LRIG3: variants seen among roughly 807,000 people sequenced by gnomAD.
LRIG3 encodes the protein leucine-rich repeats and immunoglobulin-like domains protein 3.
LRIG3 carries 76 observed loss-of-function variants against 114.5 expected under a neutral mutation model. That is an observed-to-expected ratio of 0.66 (90% CI 0.55 to 0.80). The LOEUF (loss-of-function observed/expected upper bound fraction) is 0.80, where lower values mean the gene tolerates loss of function less well. LRIG3 is among the 30% of genes least tolerant of loss of function. The probability of loss-of-function intolerance (pLI) is 0.00; values close to 1 mark genes in which losing one functional copy is unlikely to be tolerated. For synonymous variants in LRIG3, 512 were observed against 519.8 expected (o/e 0.98, Z 0.20); for missense variants, 1,239 against 1,382.8 (o/e 0.90, Z 1.65).
intron 3 of LRIG3, among the ~76,000 whole-genome samples, chr12:58,897,663 A>C (rs1871691535): frequency 6.6e-6 from 1 of 152,210 alleles, no homozygotes; most frequent in African/African-American, 2.4e-5. Flanking sequence ...CCCTTCTTTG[A>C]TCTCCAAGTA....
intron 3 of LRIG3, 26 bp downstream of exon 3, chr12:58,913,956 G>A: frequency 6.3e-7 from 1 of 1,592,126 alleles, no homozygotes; most frequent in Non-Finnish European, 8.6e-7. Flanking sequence ...AAACATACAT[G>A]AGGAATTCTG....
intron 16 of LRIG3, 30 bp downstream of exon 16, chr12:58,876,415 T>C: frequency 6.2e-7 from 1 of 1,608,268 alleles, no homozygotes; most frequent in Non-Finnish European, 8.5e-7. Context: ...TTCAAAACAA[T>C]TACAGCCCAC....
chr12:58,904,981 G>C (rs1218943654), intron 3 of LRIG3, among the ~76,000 whole-genome samples: 1 of 152,200 alleles, frequency 6.6e-6, no homozygotes, highest in Non-Finnish European at 1.5e-5. Context: ...GGAAACCTAA[G>C]AGTCTGATTT....
In LRIG3 at chr12:58,894,465, G is replaced by A. The variant is rs561641873; in HGVS notation, c.384-3669C>T. Reference sequence around the variant, plus strand: ...AAAACTTGCTTTGTATAATAAAGGGGGCTAAAAATGGGAGACAACTACCTT... The same window carrying A: ...AAAACTTGCTTTGTATAATAAAGGGAGCTAAAAATGGGAGACAACTACCTT... On this transcript the variant is annotated intron_variant, in intron 3 of 18. Coordinates refer to ENST00000320743, the MANE Select transcript of LRIG3 (RefSeq NM_153377.5). 2.6e-5 allele frequency among the ~76,000 whole-genome samples: 4 copies of A among 151,958 alleles called. No homozygotes were observed. In the South Asian group the frequency reaches 8.3e-4, roughly 32 times the overall value.
intron 16 of LRIG3, among the ~76,000 whole-genome samples, chr12:58,875,521 T>C (rs907167863): frequency 6.6e-6 from 1 of 152,232 alleles, no homozygotes; most frequent in Non-Finnish European, 1.5e-5. Context: ...TATTTTAGAA[T>C]AACATCGATG....
chr12:58,902,179 T>C (rs560182455), intron 3 of LRIG3, among the ~76,000 whole-genome samples: 11 of 152,308 alleles, frequency 7.2e-5, no homozygotes, highest in Non-Finnish European at 1.6e-4. Flanking sequence ...TCCATTCATC[T>C]TTGAAGAGTA....
chr12:58,878,993 C>G lies in LRIG3; in HGVS notation c.1914G>C (p.Lys638Asn). ...CAGCTGGGAAGTCTGTGCCCCCATC[C>G]TTCTGCCAGGCTATCTGGGGGGCTG... ...GHPAPQIAWQ[K>N]DGGTDFPAAR... Residue 638 changes from lysine to asparagine, a missense_variant, in exon 14 of 19, where the codon AAG (lysine) becomes AAC (asparagine). Lys to Asn is a moderately conservative substitution (Grantham distance 94). Coordinates refer to ENST00000320743, the MANE Select transcript of LRIG3 (RefSeq NM_153377.5). 6.2e-7 allele frequency: 1 copy of G among 1,614,212 alleles called. No homozygotes were observed. Among genetic ancestry groups the G allele is most frequent in the Non-Finnish European group, 8.5e-7 (1 of 1,180,042 alleles).
intron 12 of LRIG3, among the ~76,000 whole-genome samples, chr12:58,881,242 C>T (rs1871119129): frequency 6.6e-6 from 1 of 152,114 alleles, no homozygotes; most frequent in African/African-American, 2.4e-5. Flanking sequence ...CTTCCAGGCT[C>T]AGGGATCATT....
intron 3 of LRIG3, among the ~76,000 whole-genome samples, chr12:58,901,486 C>G (rs919155012): frequency 6.6e-6 from 1 of 152,116 alleles, no homozygotes. Context: ...TAAATTTACA[C>G]TGAAAATTCA....
chr12:58,892,012 T>C (rs1871471097), intron 3 of LRIG3, among the ~76,000 whole-genome samples: 3 of 151,956 alleles, frequency 2.0e-5, no homozygotes, highest in Admixed American at 1.3e-4. Context: ...CTGGTGACTG[T>C]TATACTGAAC....
chr12:58,915,101 T>C (rs758510139), intron 1 of LRIG3, among the ~76,000 whole-genome samples: 10 of 152,182 alleles, frequency 6.6e-5, no homozygotes, highest in Non-Finnish European at 1.3e-4. Context: ...CTCATACATA[T>C]ACAATACTCT....
intron 1 of LRIG3, among the ~76,000 whole-genome samples, chr12:58,914,827 A>G (rs1428410599): frequency 6.6e-6 from 1 of 152,258 alleles, no homozygotes; most frequent in African/African-American, 2.4e-5. Context: ...TTAAAGCACC[A>G]AATCATTTAA....
At chr12:58,886,136 C>T (rs1374251405) in intron 9 of LRIG3, among the ~76,000 whole-genome samples, 1 of 152,110 alleles carries the variant, frequency 6.6e-6, no homozygotes, top group East Asian at 1.9e-4. Flanking sequence ...AGTCACTCTG[C>T]TGATTAAGTT....
At chr12:58,880,987 A>G in intron 12 of LRIG3, 86 bp from the exon 13 acceptor site, 1 of 1,297,002 alleles carries the variant, frequency 7.7e-7, no homozygotes, top group Non-Finnish European at 1.1e-6. Flanking sequence ...AAGAAATGCA[A>G]AAACAGTGGC....
At chr12:58,890,984 C>G (rs1271959340) in intron 3 of LRIG3, among the ~76,000 whole-genome samples, 188 bp from the exon 4 acceptor site, 1 of 152,086 alleles carries the variant, frequency 6.6e-6, no homozygotes, top group Non-Finnish European at 1.5e-5. Context: ...TCATAATATT[C>G]AAATATGTGG....
intron 3 of LRIG3, among the ~76,000 whole-genome samples, chr12:58,897,823 A>AT (rs879811958): frequency 1.3e-5 from 2 of 152,200 alleles, no homozygotes; most frequent in Non-Finnish European, 2.9e-5. Flanking sequence ...AAACTTAAAA[A>AT]TTTTTACTGT....
chr12:58,886,944 T>A, intron 8 of LRIG3, 54 bp from the exon 9 acceptor site: 2 of 1,393,956 alleles, frequency 1.4e-6, no homozygotes, highest in South Asian at 1.2e-5. Context: ...AAGCCTAGTA[T>A]CACCACCCAG....
chr12:58,880,703 A>G lies in LRIG3; in HGVS notation c.1679T>C (p.Met560Thr), dbSNP rs1308464309. ...AHLRAQGGEV[M>T]EYTTILRLRE... ...CAGCCGAAGGATGGTGGTATACTCC[A>G]TCACCTCGCCACCTTGGGCCCGGAG... The change falls in exon 13 of 19, where the codon ATG becomes ACG. Residue 560 changes from methionine (M) to threonine (T), a missense_variant. Transcript: ENST00000320743. The G allele has an allele frequency of 1.2e-6, 2 of 1,614,214 alleles. No individual in the cohort carries two copies. The highest frequency in any genetic ancestry group is 1.7e-5 in the Admixed American group (1 of 60,026).
At chr12:58,900,385 C>G (rs1415934830) in intron 3 of LRIG3, among the ~76,000 whole-genome samples, 2 of 150,562 alleles carry the variant, frequency 1.3e-5, no homozygotes, top group Non-Finnish European at 3.0e-5. Context: ...TGAACTGTAT[C>G]TTCTCTTCAT....
Sources: gnomAD v4.1 joint callset for allele counts (sites outside exome capture counted in the v4.1 genomes callset) on GRCh38, gnomAD v4.1.1 for gene constraint, MANE v1.5 for transcripts, NCBI Gene and HGNC (gene_info 2026-07-23, HGNC 2026-07-21) for gene names.